MYO10: variants seen among roughly 807,000 people sequenced by gnomAD.
The protein encoded by MYO10 is myosin X.
MYO10 carries 133 observed loss-of-function variants against 257.3 expected under a neutral mutation model. The observed-to-expected ratio is 0.52, with a 90% confidence interval of 0.45 to 0.60. The LOEUF (loss-of-function observed/expected upper bound fraction) is 0.60. MYO10 is among the 20% of genes least tolerant of loss of function. The pLI is 0.00. For synonymous variants in MYO10, 1,104 were observed against 1,028.6 expected (o/e 1.07, Z -1.40); for missense variants, 2,399 against 2,635.7 (o/e 0.91, Z 1.97).
chr5:16,676,715 C>CA (rs1426793614), intron 33 of MYO10, among the ~76,000 whole-genome samples: 3 of 151,252 alleles, frequency 2.0e-5, no homozygotes, highest in African/African-American at 2.4e-5. Context: ...GACTCCGTCT[C>CA]AAAAAAAAAT....
In MYO10 at chr5:16,729,441, G is replaced by C. The variant is rs568317940; in HGVS notation, c.1930-18196C>G. Among the ~76,000 whole-genome samples the C allele has an allele frequency of 5.3e-5, 8 of 151,178 alleles. 1 individual carries two copies. The South Asian group carries it at 1.5e-3, about 28-fold the overall frequency. On this transcript the variant is annotated intron_variant, in intron 19 of 40. Coordinates refer to ENST00000513610, the MANE Select transcript of MYO10 (RefSeq NM_012334.3). ...TCACCCCTTCCACTCTTCATCTAAA[G>C]TTGTATTTTCTATTTTTTTTTTTTT...
chr5:16,815,767 G>A (rs1742586105), intron 3 of MYO10, among the ~76,000 whole-genome samples: 3 of 152,164 alleles, frequency 2.0e-5, no homozygotes, highest in Non-Finnish European at 4.4e-5. Flanking sequence ...GTGGTTCACT[G>A]GTCATCTACA....
At chr5:16,703,644 C>T (rs74498823) in intron 22 of MYO10, among the ~76,000 whole-genome samples, 266 of 151,954 alleles carry the variant, frequency 1.8e-3, no homozygotes, top group Non-Finnish European at 3.1e-3. Flanking sequence ...TTTGGGAAGC[C>T]GAGGCAGGCG....
intron 2 of MYO10, among the ~76,000 whole-genome samples, chr5:16,871,304 G>C (rs1386837179): frequency 6.6e-6 from 1 of 152,154 alleles, no homozygotes; most frequent in African/African-American, 2.4e-5. Flanking sequence ...CTAAACTTTT[G>C]ACTCTGACTC....
intron 19 of MYO10, among the ~76,000 whole-genome samples, chr5:16,717,609 T>C (rs923713419): frequency 2.6e-5 from 4 of 152,110 alleles, no homozygotes; most frequent in Admixed American, 2.6e-4. Context: ...TTTTAGAAAA[T>C]CAAATTGCAA....
intron 19 of MYO10, among the ~76,000 whole-genome samples, chr5:16,741,251 T>C (rs1740008107): frequency 6.6e-6 from 1 of 152,202 alleles, no homozygotes; most frequent in Non-Finnish European, 1.5e-5. Context: ...AATTCCAACA[T>C]GTGTATGCTT....
chr5:16,685,440 GGCC>G (rs1431684642), intron 29 of MYO10, among the ~76,000 whole-genome samples: 12 of 151,878 alleles, frequency 7.9e-5, no homozygotes, highest in African/African-American at 2.4e-4. Flanking sequence ...TTGAACTCCT[GGCC>G]TCAAATGATC....
At chr5:16,754,022 CA>C (rs1405043612) in intron 19 of MYO10, among the ~76,000 whole-genome samples, 3 of 151,918 alleles carry the variant, frequency 2.0e-5, no homozygotes, top group Non-Finnish European at 4.4e-5. Flanking sequence ...AATTACATTA[CA>C]ATTAAATTAC....
intron 3 of MYO10, among the ~76,000 whole-genome samples, chr5:16,812,932 T>A (rs907686366): frequency 1.3e-5 from 2 of 151,784 alleles, no homozygotes; most frequent in Non-Finnish European, 2.9e-5. Flanking sequence ...TTTTATTTTT[T>A]TTTTTTTTTT....
intron 8 of MYO10, 45 bp downstream of exon 8, chr5:16,780,479 A>C: frequency 6.8e-7 from 1 of 1,462,022 alleles, no homozygotes; most frequent in African/African-American, 1.4e-5. Context: ...ATTTAAATGG[A>C]AAATGAGTTG....
In MYO10 at chr5:16,889,939, A is replaced by G. The variant is rs564402662; in HGVS notation, c.22-12232T>C. Among the ~76,000 whole-genome samples, 34 of 151,894 alleles carry G rather than the reference A, an allele frequency of 2.2e-4. No individual in the cohort carries two copies. The South Asian group carries it at 7.0e-3, about 31-fold the overall frequency. ...ATGCCTACAAATAAACAAACTGATAAGATTTTCTTAATGGAATCCCAGTTG... is the reference window on the plus strand; with the variant it reads ...ATGCCTACAAATAAACAAACTGATAGGATTTTCTTAATGGAATCCCAGTTG... On this transcript the variant is annotated intron_variant, in intron 1 of 40. Transcript: ENST00000513610.
intron 4 of MYO10, 128 bp from the exon 5 acceptor site, chr5:16,783,597 G>C: frequency 9.4e-7 from 1 of 1,065,392 alleles, no homozygotes; most frequent in Non-Finnish European, 1.3e-6. Flanking sequence ...AGATCAAAAT[G>C]CCTGTTTCCA....
At chr5:16,746,567 C>A (rs971067196) in intron 19 of MYO10, among the ~76,000 whole-genome samples, 2 of 152,198 alleles carry the variant, frequency 1.3e-5, no homozygotes, top group African/African-American at 4.8e-5. Flanking sequence ...TACTGCCACT[C>A]CTCACATCAA....
intron 2 of MYO10, among the ~76,000 whole-genome samples, chr5:16,861,200 A>G (rs572725966): frequency 4.0e-5 from 6 of 148,594 alleles, no homozygotes; most frequent in African/African-American, 1.5e-4. Flanking sequence ...TGAATACAAG[A>G]CTAGGGAACA....
At chr5:16,830,679 G>GCACACACACACACACACACACA in intron 2 of MYO10, among the ~76,000 whole-genome samples, 1 of 148,920 alleles carries the variant, frequency 6.7e-6, no homozygotes, top group Non-Finnish European at 1.5e-5. Flanking sequence ...TTTTTAATAG[G>GCACACACACACACACACACACA]CACACACACA....
chr5:16,681,442 C>G lies in MYO10; in HGVS notation c.4251G>C (p.Arg1417=), dbSNP rs751138412. Reference sequence around the variant, plus strand: ...GGGAATTGTGGGTGAGTACAAACCACCGTTTCTTCAGTTTCAGTGAAGACA... The same window carrying G: ...GGGAATTGTGGGTGAGTACAAACCAGCGTTTCTTCAGTTTCAGTGAAGACA... The part of the protein sequence containing the change: ...PKMSSLKLKK[R]WFVLTHNSLD... Residue 1417 remains arginine, a synonymous_variant, in exon 32 of 41, where the codon CGG becomes CGC. Coordinates refer to ENST00000513610, the MANE Select transcript of MYO10 (RefSeq NM_012334.3). The G allele has an allele frequency of 6.2e-7, 1 of 1,613,808 alleles. No individual in the cohort carries two copies. The highest frequency in any genetic ancestry group is 1.7e-5 in the Admixed American group (1 of 59,994).
intron 1 of MYO10, among the ~76,000 whole-genome samples, chr5:16,892,501 G>A (rs1745087113): frequency 6.6e-6 from 1 of 152,088 alleles, no homozygotes; most frequent in South Asian, 2.1e-4. Flanking sequence ...AAATTAGCTG[G>A]GCATGGTGGC....
At chr5:16,780,022 C>G (rs1741347961) in intron 8 of MYO10, among the ~76,000 whole-genome samples, 2 of 152,168 alleles carry the variant, frequency 1.3e-5, no homozygotes, top group Admixed American at 1.3e-4. Flanking sequence ...CTGCCTCAGC[C>G]TCCTGAGTAG....
intron 1 of MYO10, among the ~76,000 whole-genome samples, chr5:16,892,324 G>A (rs751243857): frequency 3.9e-5 from 6 of 152,124 alleles, no homozygotes; most frequent in Non-Finnish European, 7.3e-5. Context: ...AAGATCACAT[G>A]AGACGGCTAA....
Sources: gnomAD v4.1 joint callset for allele counts (sites outside exome capture counted in the v4.1 genomes callset) on GRCh38, gnomAD v4.1.1 for gene constraint, MANE v1.5 for transcripts, NCBI Gene and HGNC (gene_info 2026-07-23, HGNC 2026-07-21) for gene names.